The following HIPK2 variants were observed in gnomAD, a reference collection of about 807,000 sequenced individuals.
HIPK2 encodes homeodomain interacting protein kinase 2.
HIPK2 carries 27 observed loss-of-function variants against 113.7 expected under a neutral mutation model. That is an observed-to-expected ratio of 0.24 (90% confidence interval 0.17 to 0.33). HIPK2 has a LOEUF of 0.33. HIPK2 is among the 10% of genes least tolerant of loss of function. The pLI is 1.00. For missense variants in HIPK2, 1,257 were observed against 1,588.0 expected, an observed-to-expected ratio of 0.79 and a Z score of 3.54; for synonymous variants, 631 against 642.2, an observed-to-expected ratio of 0.98 and a Z score of 0.26.
chr7:139,630,259 T>G lies in HIPK2; in HGVS notation c.1347+906A>C, dbSNP rs1218672853. On this transcript the variant is annotated intron_variant, in intron 4 of 14. Coordinates refer to ENST00000406875, the MANE Select transcript of HIPK2 (RefSeq NM_022740.5). This position sits in a 1 kb window ranked among gnomAD's most constrained non-coding sequence, Gnocchi z 4.0. ...GGAGTTTCAGGTTTATGGTTACTTG[T>G]GTGAACCAGACACCTCCCTGGGCCT... Among the ~76,000 whole-genome samples, 1 of 152,170 alleles carries G rather than the reference T, an allele frequency of 6.6e-6. No individual in the cohort carries two copies. The highest frequency in any genetic ancestry group is 1.5e-5 in the Non-Finnish European group (1 of 68,022).
At chr7:139,663,737 T>G (rs896359354) in intron 2 of HIPK2, among the ~76,000 whole-genome samples, 10 of 152,182 alleles carry the variant, frequency 6.6e-5, no homozygotes, top group Admixed American at 6.5e-4. Flanking sequence ...AATTAGACTC[T>G]GGGGTAAAAT....
chr7:139,573,981 G>C (rs1798402916), intron 14 of HIPK2, among the ~76,000 whole-genome samples: 1 of 152,140 alleles, frequency 6.6e-6, no homozygotes, highest in Non-Finnish European at 1.5e-5. Context: ...ACGTACAGAA[G>C]CTGTGAAGTA....
rs371289838 is a variant in HIPK2 at position 139,638,017 on chromosome 7, A to T, written c.1104-6292T>A. ...AGGGAGGAGGAACAGGAGGGCTAGA[A>T]GTGGCACCTGGCTCATGCAGGGTTA... On this transcript the variant is annotated intron_variant, in intron 2 of 14. Coordinates refer to ENST00000406875, the MANE Select transcript of HIPK2 (RefSeq NM_022740.5). 1.2e-4 allele frequency among the ~76,000 whole-genome samples: 19 copies of T among 152,278 alleles called. No individual in the cohort carries two copies. The East Asian group carries it at 2.3e-3, about 19-fold the overall frequency.
chr7:139,599,120 T>C (rs1297876812), intron 11 of HIPK2, among the ~76,000 whole-genome samples: 1 of 152,240 alleles, frequency 6.6e-6, no homozygotes, highest in Non-Finnish European at 1.5e-5. Context: ...CAGATTTCTC[T>C]TGATTGACTT....
In HIPK2 at chr7:139,748,253, C is replaced by T. The variant is rs553282665; in HGVS notation, c.19+29352G>A. Among the ~76,000 whole-genome samples, 19 of 152,254 alleles carry T rather than the reference C, an allele frequency of 1.2e-4. No homozygotes were observed. The South Asian group carries it at 2.3e-3, about 18-fold the overall frequency. On this transcript the variant is annotated intron_variant, in intron 1 of 14. Coordinates refer to ENST00000406875, the MANE Select transcript of HIPK2 (RefSeq NM_022740.5). The stretch of plus-strand genomic sequence containing the variant: ...CCTCAGCCCTACATCCAGACTCCCA[C>T]GCTCCGATGGAAACTTTAACCAAAG...
intron 2 of HIPK2, among the ~76,000 whole-genome samples, chr7:139,661,730 T>C (rs1384833909): frequency 6.6e-6 from 1 of 152,208 alleles, no homozygotes; most frequent in African/African-American, 2.4e-5. Flanking sequence ...AAATCTCATA[T>C]GTTTTAAGGA....
rs991064723 is a variant in HIPK2, at chr7:139,676,615, C to G, written c.1103+39317G>C. On this transcript the variant is annotated intron_variant, in intron 2 of 14. Coordinates refer to ENST00000406875, the MANE Select transcript of HIPK2 (RefSeq NM_022740.5). ...AAACAGATCTGTTTATTTGGTTCAA[C>G]AGACCAAAGCTAGATATGAGTCCCC... Among the ~76,000 whole-genome samples, 5 of 152,274 alleles carry G rather than the reference C, an allele frequency of 3.3e-5. 1 individual carries two copies. Among genetic ancestry groups the G allele is most frequent in the Admixed American group, 3.3e-4 (5 of 15,300 alleles).
intron 1 of HIPK2, among the ~76,000 whole-genome samples, chr7:139,745,232 C>T (rs890182210): frequency 1.3e-5 from 2 of 152,166 alleles, no homozygotes; most frequent in South Asian, 2.1e-4. Flanking sequence ...CATTATTCTG[C>T]GGTTACCCTG....
intron 2 of HIPK2, among the ~76,000 whole-genome samples, chr7:139,651,366 A>C (rs530238911): frequency 6.6e-6 from 1 of 152,278 alleles, no homozygotes; most frequent in South Asian, 2.1e-4. Context: ...TAGATATTAA[A>C]TTTTTTCAAC....
rs1010880341 is a variant in HIPK2, at chr7:139,585,213, C to T, written c.2718-1149G>A. On this transcript the variant is annotated intron_variant, in intron 12 of 14. Transcript: ENST00000406875. ...GCCTCATAGAGTCACAGCCACCTCC[C>T]GGGTATCTTGTTTGAGGCCACACAG... Among the ~76,000 whole-genome samples, 6 of 152,182 alleles carry T rather than the reference C, an allele frequency of 3.9e-5. No individual in the cohort carries two copies. The South Asian group carries it at 6.2e-4, about 16-fold the overall frequency.
At chr7:139,715,855 C>T in intron 2 of HIPK2, 77 bp downstream of exon 2, 1 of 1,536,128 alleles carries the variant, frequency 6.5e-7, no homozygotes, top group South Asian at 1.3e-5. Context: ...TATCTCCCCA[C>T]AGTGACTAAG....
At chr7:139,592,063 C>A (rs555020825) in intron 12 of HIPK2, among the ~76,000 whole-genome samples, 1 of 152,314 alleles carries the variant, frequency 6.6e-6, no homozygotes, top group Non-Finnish European at 1.5e-5. Context: ...AGTTTTCTAA[C>A]CTTGCTTTAT....
intron 2 of HIPK2, 183 bp downstream of exon 2, chr7:139,715,749 T>C: frequency 1.2e-5 from 6 of 491,070 alleles, no homozygotes; most frequent in Non-Finnish European, 1.6e-5. Context: ...GGCTCCGTTC[T>C]AATGTGACTT....
chr7:139,638,280 G>T (rs1800879095), intron 2 of HIPK2, among the ~76,000 whole-genome samples: 1 of 152,102 alleles, frequency 6.6e-6, no homozygotes, highest in African/African-American at 2.4e-5. Context: ...CCCTAAGGGT[G>T]CAGCCTTTTC....
intron 12 of HIPK2, among the ~76,000 whole-genome samples, chr7:139,589,870 T>C (rs749853112): frequency 6.6e-6 from 1 of 152,242 alleles, no homozygotes; most frequent in Non-Finnish European, 1.5e-5. Flanking sequence ...TGAGCAAATA[T>C]GTACGGCACA....
chr7:139,734,416 T>G (rs12673068), intron 1 of HIPK2, among the ~76,000 whole-genome samples: 55,286 of 152,080 alleles, frequency 0.36, 14,012 homozygotes, highest in African/African-American at 0.72. Flanking sequence ...TGACTAAAAT[T>G]GGAAGATGCC....
intron 1 of HIPK2, among the ~76,000 whole-genome samples, chr7:139,755,858 A>G (rs752025479): frequency 6.6e-6 from 1 of 152,254 alleles, no homozygotes; most frequent in Non-Finnish European, 1.5e-5. Context: ...GTTGCACCAC[A>G]GCTACCTTCT....
At chr7:139,588,491 G>A (rs1798911262) in intron 12 of HIPK2, among the ~76,000 whole-genome samples, 1 of 149,502 alleles carries the variant, frequency 6.7e-6, no homozygotes, top group African/African-American at 2.5e-5. Flanking sequence ...AATCCAGTCG[G>A]GGTGACACAG....
intron 2 of HIPK2, among the ~76,000 whole-genome samples, chr7:139,687,780 C>A (rs1032509820): frequency 1.3e-5 from 2 of 152,166 alleles, no homozygotes; most frequent in East Asian, 1.9e-4. Context: ...CTCTTCCTGT[C>A]CCAGGCTAAA....
Sources: gnomAD v4.1 joint callset for allele counts (sites outside exome capture counted in the v4.1 genomes callset) on GRCh38, gnomAD v4.1.1 for gene constraint, Gnocchi (gnomAD v3.1) non-coding constraint, MANE v1.5 for transcripts, NCBI Gene and HGNC (gene_info 2026-07-23, HGNC 2026-07-21) for gene names.